THSD7B: variants seen among roughly 807,000 people sequenced by gnomAD.
THSD7B encodes thrombospondin type 1 domain containing 7B.
THSD7B carries 138 observed loss-of-function variants against 213.6 expected under a neutral mutation model. The observed-to-expected ratio is 0.65, with a 90% CI of 0.56 to 0.74. The LOEUF is 0.74. Among genes scored for constraint, THSD7B ranks in the 30% least tolerant of loss-of-function variants. THSD7B has a pLI of 0.00. For synonymous variants in THSD7B, 742 were observed against 687.0 expected, an observed-to-expected ratio of 1.08 and a Z score of -1.25; for missense variants, 1,931 against 1,991.5, an observed-to-expected ratio of 0.97 and a Z score of 0.58.
chr2:137,327,205 A>G (rs939012897), intron 12 of THSD7B, among the ~76,000 whole-genome samples: 16 of 152,204 alleles, frequency 1.1e-4, no homozygotes, highest in Non-Finnish European at 1.9e-4. Context: ...CAGCTGGACT[A>G]GGTGAGTGTC....
At chr2:137,649,061 A>G (rs769226263) in intron 21 of THSD7B, among the ~76,000 whole-genome samples, 1 of 152,066 alleles carries the variant, frequency 6.6e-6, no homozygotes, top group Non-Finnish European at 1.5e-5. Flanking sequence ...GGCTATTTGC[A>G]TGTCTTCTTT....
At chr2:137,550,512 T>C (rs1680826081) in intron 15 of THSD7B, among the ~76,000 whole-genome samples, 1 of 152,102 alleles carries the variant, frequency 6.6e-6, no homozygotes, top group East Asian at 1.9e-4. Context: ...ACAAATAATA[T>C]AAACTACAAC....
rs1195160277 is a variant in THSD7B, at chr2:137,572,571, T to C, written c.3423+15T>C. On this transcript the variant is annotated intron_variant, in intron 17 of 27. Coordinates refer to ENST00000409968, the MANE Select transcript of THSD7B (RefSeq NM_001316349.2). Reference sequence around the variant, plus strand: ...AATGCCCACAGGTAATTTCTCTTTCTTTGTCAATGCTCTGATAATCTATTG... The same window carrying C: ...AATGCCCACAGGTAATTTCTCTTTCCTTGTCAATGCTCTGATAATCTATTG... The C allele has an allele frequency of 6.2e-7, 1 of 1,613,382 alleles. No homozygotes were observed. Among genetic ancestry groups the C allele is most frequent in the East Asian group, 2.2e-5 (1 of 44,862 alleles).
intron 2 of THSD7B, among the ~76,000 whole-genome samples, chr2:136,918,630 G>A (rs2105031681): frequency 6.6e-6 from 1 of 152,266 alleles, no homozygotes; most frequent in East Asian, 1.9e-4. Flanking sequence ...TTGGAGGTAA[G>A]GATAACGACA....
chr2:137,313,140 C>A (rs1236921261), intron 12 of THSD7B, among the ~76,000 whole-genome samples: 2 of 152,124 alleles, frequency 1.3e-5, no homozygotes, highest in African/African-American at 2.4e-5. Context: ...ATGTGGGAGA[C>A]TAAGTCTCTT....
rs572302786 is a variant in THSD7B, at chr2:137,434,647, A to G, written c.2960-16198A>G. ...CAATGTGGGGATGTAACTGCAGAACAGATTTCCCACACTGAGTCTTTGCTT... is the reference window on the plus strand; with the variant it reads ...CAATGTGGGGATGTAACTGCAGAACGGATTTCCCACACTGAGTCTTTGCTT... On this transcript the variant is annotated intron_variant, in intron 14 of 27. Coordinates refer to ENST00000409968, the MANE Select transcript of THSD7B (RefSeq NM_001316349.2). Among the ~76,000 whole-genome samples the G allele has an allele frequency of 4.6e-5, 7 of 152,334 alleles. No individual in the cohort carries two copies. In the South Asian group the frequency reaches 1.5e-3, roughly 32 times the overall value.
At chr2:137,553,471 A>T (rs558171705) in intron 15 of THSD7B, among the ~76,000 whole-genome samples, 1 of 152,252 alleles carries the variant, frequency 6.6e-6, no homozygotes, top group South Asian at 2.1e-4. Context: ...CAATGAATGG[A>T]GGCTTATTTA....
intron 1 of THSD7B, among the ~76,000 whole-genome samples, chr2:136,875,998 C>T (rs889413143): frequency 6.6e-6 from 1 of 152,074 alleles, no homozygotes; most frequent in Non-Finnish European, 1.5e-5. Context: ...GCTTTTGGCC[C>T]TCCTTCTCTT....
At chr2:136,781,492 G>A (rs1430713188) in intron 1 of THSD7B, among the ~76,000 whole-genome samples, 2 of 151,168 alleles carry the variant, frequency 1.3e-5, no homozygotes, top group Non-Finnish European at 1.5e-5. Context: ...GGCTGGTCTT[G>A]AACTCCTGAC....
chr2:137,147,066 T>C (rs1679718068), intron 5 of THSD7B, among the ~76,000 whole-genome samples: 2 of 152,212 alleles, frequency 1.3e-5, no homozygotes, highest in South Asian at 4.1e-4. Context: ...TACTCTCTGC[T>C]ACTCTGTTCC....
At chr2:136,859,610 G>A (rs1649537) in intron 1 of THSD7B, among the ~76,000 whole-genome samples, 143,186 of 152,136 alleles carry the variant, frequency 0.94, 67,645 homozygotes, top group East Asian at 1. Context: ...ATATGAAGGG[G>A]GTGACTAGAA....
intron 15 of THSD7B, among the ~76,000 whole-genome samples, chr2:137,473,679 A>G (rs1688139285): frequency 6.6e-6 from 1 of 152,230 alleles, no homozygotes; most frequent in South Asian, 2.1e-4. Flanking sequence ...CTACTAGTAC[A>G]GTTCTGTGCC....
intron 15 of THSD7B, among the ~76,000 whole-genome samples, chr2:137,495,717 G>A (rs1024904024): frequency 1.3e-5 from 2 of 152,132 alleles, no homozygotes; most frequent in African/African-American, 4.8e-5. Context: ...TTTCTGAGCA[G>A]TGAGTGGTTA....
intron 14 of THSD7B, among the ~76,000 whole-genome samples, chr2:137,420,675 G>A (rs1240490123): frequency 6.6e-6 from 1 of 152,062 alleles, no homozygotes; most frequent in Non-Finnish European, 1.5e-5. Context: ...CTCAATAATG[G>A]CTCACAAAAC....
chr2:137,283,950 A>T (rs1182925819), intron 12 of THSD7B, among the ~76,000 whole-genome samples: 3 of 152,008 alleles, frequency 2.0e-5, no homozygotes, highest in Non-Finnish European at 4.4e-5. Context: ...TTTTCTGTTG[A>T]TTGGAATAGT....
rs543780489 is a variant in THSD7B, at chr2:136,993,383, G to A, written c.140-63037G>A. The stretch of plus-strand genomic sequence containing the variant: ...AAGCATAGTCCAGAGTGCACAAAGT[G>A]AAATACCCATAAAGGCTATGAAGGT... On this transcript the variant is annotated intron_variant, in intron 2 of 27. Coordinates refer to ENST00000409968, the MANE Select transcript of THSD7B (RefSeq NM_001316349.2). Among the ~76,000 whole-genome samples, 10 of 152,292 alleles carry A rather than the reference G, an allele frequency of 6.6e-5. No homozygotes were observed. The East Asian group carries it at 1.3e-3, about 21-fold the overall frequency.
chr2:136,812,432 A>G lies in THSD7B; in HGVS notation c.-36+46745A>G, dbSNP rs556352360. Among the ~76,000 whole-genome samples, 406 of 152,338 alleles carry G rather than the reference A, an allele frequency of 2.7e-3. 1 individual carries two copies. Among genetic ancestry groups the G allele is most frequent in the Admixed American group, 6.9e-3 (106 of 15,296 alleles). On this transcript the variant is annotated intron_variant, in intron 1 of 27. Transcript: ENST00000409968. ...TTGGTTCTTTGTAATATAAAAGCACATTTTTATTCTCTAGCTTACATGATT... is the reference window on the plus strand; with the variant it reads ...TTGGTTCTTTGTAATATAAAAGCACGTTTTTATTCTCTAGCTTACATGATT...
intron 5 of THSD7B, among the ~76,000 whole-genome samples, chr2:137,125,320 C>G (rs1483684805): frequency 6.6e-6 from 1 of 152,184 alleles, no homozygotes; most frequent in African/African-American, 2.4e-5. Context: ...GCTTTTTCAA[C>G]TAAGTTTATG....
intron 3 of THSD7B, among the ~76,000 whole-genome samples, chr2:137,070,551 A>AT (rs201274974): frequency 8.0e-5 from 12 of 149,156 alleles, no homozygotes; most frequent in Non-Finnish European, 1.3e-4. Flanking sequence ...AAAATTTTTT[A>AT]TTTTTTTTTT....
Sources: gnomAD v4.1 joint callset for allele counts (sites outside exome capture counted in the v4.1 genomes callset) on GRCh38, gnomAD v4.1.1 for gene constraint, MANE v1.5 for transcripts, NCBI Gene and HGNC (gene_info 2026-07-23, HGNC 2026-07-21) for gene names.